PSMA6: variants seen among roughly 807,000 people sequenced by gnomAD.
The protein encoded by PSMA6 is proteasome subunit alpha type-6.
For missense variants in PSMA6, 170 were observed against 294.8 expected, an observed-to-expected ratio of 0.58 and a Z score of 3.10; for synonymous variants, 88 against 97.7, an observed-to-expected ratio of 0.90 and a Z score of 0.59.
intron 6 of PSMA6, 57 bp from the exon 7 acceptor site, chr14:35,317,192 G>A (rs1223979956): frequency 1.0e-5 from 14 of 1,376,464 alleles, no homozygotes; most frequent in East Asian, 4.6e-5. Context: ...CCACTTTTAC[G>A]TGTGTTTGAA....
intron 1 of PSMA6, 101 bp downstream of exon 1, chr14:35,292,653 T>C: frequency 5.8e-6 from 9 of 1,540,158 alleles, no homozygotes; most frequent in Non-Finnish European, 7.0e-6. Flanking sequence ...GGGCCGAAGC[T>C]GGGCTGGAGC....
At chr14:35,293,163 C>G (rs1364403642) in intron 1 of PSMA6, 1 of 371,320 alleles carries the variant, frequency 2.7e-6, no homozygotes, top group Non-Finnish European at 5.4e-6. Context: ...CTTTGGGAAT[C>G]TGATAGAATG....
At position 35,292,430 on chromosome 14, in the gene PSMA6, G is replaced by A. The variant is rs1782560725; in HGVS notation, c.-47G>A. The A allele has an allele frequency of 1.3e-6, 2 of 1,589,452 alleles. No homozygotes were observed. Among genetic ancestry groups the A allele is most frequent in the Middle Eastern group, 2.1e-4 (1 of 4,808 alleles). ...GGAGGTGCTTGTGTGCCTGGTGCGG[G>A]AGCTACGGGGCCCAGGGATTGTGTT... On this transcript the variant is annotated 5_prime_UTR_variant, in exon 1 of 7. Transcript: ENST00000261479.
intron 6 of PSMA6, chr14:35,316,385 C>CAAAAAAAA (rs11341361): frequency 9.6e-6 from 1 of 103,732 alleles, no homozygotes. Context: ...GACTCCATCT[C>CAAAAAAAA]AAAAAAAAAA....
intron 1 of PSMA6, chr14:35,278,864 C>A: frequency 1.2e-6 from 1 of 838,348 alleles, no homozygotes; most frequent in Non-Finnish European, 1.8e-6. Flanking sequence ...TGTTCCATGG[C>A]TGAGCAGTCT....
At position 35,292,455 on chromosome 14, in the gene PSMA6, TTAAAG is replaced by T. The variant is rs756193813; in HGVS notation, c.-19_-15del. 6.2e-7 allele frequency: 1 copy of T among 1,610,848 alleles called. No homozygotes were observed. The highest frequency in any genetic ancestry group is 1.3e-5 in the African/African-American group (1 of 74,788). On this transcript the variant is annotated 5_prime_UTR_variant, in exon 1 of 7. Coordinates refer to ENST00000261479, the MANE Select transcript of PSMA6 (RefSeq NM_002791.3). ...GAGCTACGGGGCCCAGGGATTGTGT[TTAAAG>T]TAGTGCTTCTACCAACATGTCCCGT...
chr14:35,279,239 G>T (rs535424377), intron 1 of PSMA6, among the ~76,000 whole-genome samples: 1,960 of 152,178 alleles, frequency 0.013, 27 homozygotes, highest in Middle Eastern at 0.041. Context: ...TAGAGACAGG[G>T]TTTCTCCATG....
At chr14:35,305,543 T>C (rs956549187) in intron 1 of PSMA6, among the ~76,000 whole-genome samples, 5 of 152,256 alleles carry the variant, frequency 3.3e-5, no homozygotes, top group African/African-American at 1.2e-4. Context: ...TTACAGTTTC[T>C]ATTAAAAGAG....
upstream of PSMA6, among the ~76,000 whole-genome samples, chr14:35,288,234 A>C (rs1167909241): frequency 1.3e-5 from 2 of 152,262 alleles, no homozygotes; most frequent in Non-Finnish European, 1.5e-5. Flanking sequence ...ATGGTGGCTC[A>C]CGCCTGTAAT....
rs57226520 is a variant in PSMA6 at position 35,305,146 on chromosome 14, C to CTTT, written c.77-2836_77-2834dup. On this transcript the variant is annotated intron_variant, in intron 1 of 6. Transcript: ENST00000261479. ...TTTGAAGATTTCTTTTCTTTTGTTT[C>CTTT]TTTTTTTTTTTTTTGAAATGGGGTC... 2.0e-3 allele frequency among the ~76,000 whole-genome samples: 284 copies of CTTT among 143,956 alleles called. 2 individuals carry two copies. The highest frequency in any genetic ancestry group is 0.015 in the Middle Eastern group (4 of 270). The allele number at this position is 143,956 out of a possible 152,430, so 94.4% of individuals were successfully genotyped here.
upstream of PSMA6, chr14:35,292,226 C>G: frequency 8.8e-7 from 1 of 1,142,674 alleles, no homozygotes; most frequent in Non-Finnish European, 1.1e-6. Flanking sequence ...TCTATCCACT[C>G]AAGAGGCCTG....
Position 35,314,409 on chromosome 14 carries a change from T to C in PSMA6, c.637T>C (p.Ser213Pro). 6.2e-7 allele frequency: 1 copy of C among 1,612,068 alleles called. No homozygotes were observed. Among genetic ancestry groups the C allele is most frequent in the South Asian group, 1.1e-5 (1 of 90,818 alleles). The change falls in exon 6 of 7, where the codon TCA (serine) becomes CCA (proline). Residue 213 changes from serine (S) to proline (P), a missense_variant. Physicochemically the swap from Ser to Pro is moderately conservative, Grantham distance 74 (BLOSUM62 -1). Coordinates refer to ENST00000261479, the MANE Select transcript of PSMA6 (RefSeq NM_002791.3). ...TGTTCTATCAATTGATTTCAAACCT[T>C]CAGAAATAGAAGTTGGAGTAGTGAC... ...STVLSIDFKP[S>P]EIEVGVVTVE...
chr14:35,299,555 C>T (rs908190846), intron 1 of PSMA6, among the ~76,000 whole-genome samples: 4 of 151,376 alleles, frequency 2.6e-5, no homozygotes, highest in Admixed American at 6.6e-5. Context: ...CTCCTGACCT[C>T]AAGTGATCCA....
At chr14:35,296,319 G>GTGTT (rs140678103) in intron 1 of PSMA6, among the ~76,000 whole-genome samples, 6,403 of 151,684 alleles carry the variant, frequency 0.042, 254 homozygotes, top group African/African-American at 0.1. Context: ...TGTTTTCTGG[G>GTGTT]TGTTTGTTTG....
intron 1 of PSMA6, among the ~76,000 whole-genome samples, chr14:35,301,824 G>A (rs543578447): frequency 1.3e-5 from 2 of 152,262 alleles, no homozygotes; most frequent in Non-Finnish European, 2.9e-5. Context: ...CATTATTTAA[G>A]CAATAAGCAT....
intron 1 of PSMA6, among the ~76,000 whole-genome samples, chr14:35,304,915 C>T (rs1230802534): frequency 1.3e-5 from 2 of 151,990 alleles, no homozygotes; most frequent in Non-Finnish European, 2.9e-5. Flanking sequence ...GACCCCATCT[C>T]TAAAAAATTG....
At chr14:35,280,553 TG>T (rs2051355804) in intron 1 of PSMA6, among the ~76,000 whole-genome samples, 1 of 146,758 alleles carries the variant, frequency 6.8e-6, no homozygotes. Context: ...ACCTAATTTT[TG>T]TATGTTTAGT....
intron 1 of PSMA6, among the ~76,000 whole-genome samples, chr14:35,297,526 C>T (rs1388710795): frequency 6.6e-6 from 1 of 151,982 alleles, no homozygotes; most frequent in Non-Finnish European, 1.5e-5. Context: ...TTTTTAATAA[C>T]TCATAGAATA....
chr14:35,310,992 A>G, intron 4 of PSMA6, 97 bp downstream of exon 4: 2 of 1,248,930 alleles, frequency 1.6e-6, no homozygotes, highest in Non-Finnish European at 1.1e-6. Flanking sequence ...AGTTCTGAAC[A>G]TGTGGTTTGG....
Sources: gnomAD v4.1 joint callset for allele counts (sites outside exome capture counted in the v4.1 genomes callset) on GRCh38, gnomAD v4.1.1 for gene constraint, MANE v1.5 for transcripts, NCBI Gene and HGNC (gene_info 2026-07-23, HGNC 2026-07-21) for gene names.